CCSER1: variants seen among roughly 807,000 people sequenced by gnomAD.
CCSER1 encodes the protein coiled-coil serine rich protein 1.
A neutral mutation model predicts 82.0 loss-of-function variants in CCSER1; 41 were observed. The ratio of observed to expected loss-of-function variants is 0.50; its 90% CI spans 0.39 to 0.65. The LOEUF (loss-of-function observed/expected upper bound fraction) is 0.65. Ranked by LOEUF, CCSER1 falls within the 30% of genes least tolerant of loss-of-function variation. The pLI, the probability that CCSER1 is intolerant of heterozygous loss-of-function variation, is 0.00. For synonymous variants in CCSER1, 414 were observed against 383.9 expected (o/e 1.08, Z -0.92); for missense variants, 1,119 against 1,064.2 (o/e 1.05, Z -0.72).
At chr4:90,576,556 T>G (rs1780796993) in intron 5 of CCSER1, among the ~76,000 whole-genome samples, 1 of 152,290 alleles carries the variant, frequency 6.6e-6, no homozygotes, top group South Asian at 2.1e-4. Flanking sequence ...TAACAACCAC[T>G]GATGCTTTTT....
At chr4:90,609,111 G>T (rs1785123777) in intron 5 of CCSER1, among the ~76,000 whole-genome samples, 1 of 151,838 alleles carries the variant, frequency 6.6e-6, no homozygotes, top group South Asian at 2.1e-4. Flanking sequence ...TACTGCAATT[G>T]ACCATAATAG....
intron 10 of CCSER1, among the ~76,000 whole-genome samples, chr4:91,358,529 G>A (rs1272655771): frequency 6.6e-6 from 1 of 151,006 alleles, no homozygotes; most frequent in African/African-American, 2.4e-5. Context: ...CAAAATCCAA[G>A]TATCAAAAAA....
chr4:90,517,927 C>T (rs886814219), intron 5 of CCSER1, among the ~76,000 whole-genome samples: 1 of 151,722 alleles, frequency 6.6e-6, no homozygotes, highest in Admixed American at 6.6e-5. Flanking sequence ...TTCATGACAC[C>T]AGGTTGTCTG....
At chr4:90,313,193 C>A (rs1304148547) in intron 3 of CCSER1, 146 bp downstream of exon 3, 6 of 680,444 alleles carry the variant, frequency 8.8e-6, no homozygotes, top group African/African-American at 7.2e-5. Flanking sequence ...CATTACAAGT[C>A]AGAGAAACAA....
At chr4:91,324,440 G>C (rs1746409714) in intron 10 of CCSER1, among the ~76,000 whole-genome samples, 1 of 151,860 alleles carries the variant, frequency 6.6e-6, no homozygotes, top group East Asian at 1.9e-4. Flanking sequence ...GCAAAATGTT[G>C]GTGACAAGTT....
At chr4:90,957,449 C>T (rs1733581029) in intron 9 of CCSER1, among the ~76,000 whole-genome samples, 1 of 140,798 alleles carries the variant, frequency 7.1e-6, no homozygotes, top group Non-Finnish European at 1.5e-5. Flanking sequence ...ACAGCAATTT[C>T]ATGGTATATA....
intron 10 of CCSER1, among the ~76,000 whole-genome samples, chr4:91,419,934 A>G (rs1753597828): frequency 6.6e-6 from 1 of 152,114 alleles, no homozygotes; most frequent in Admixed American, 6.5e-5. Flanking sequence ...AAGAGCACCA[A>G]GAATACACGT....
At chr4:90,429,803 T>C (rs1186452820) in intron 4 of CCSER1, among the ~76,000 whole-genome samples, 1 of 151,848 alleles carries the variant, frequency 6.6e-6, no homozygotes, top group Non-Finnish European at 1.5e-5. Context: ...TTTTCCTTAG[T>C]CTGGTAAATG....
At chr4:91,392,484 T>G (rs1268522342) in intron 10 of CCSER1, among the ~76,000 whole-genome samples, 1 of 152,136 alleles carries the variant, frequency 6.6e-6, no homozygotes, top group Non-Finnish European at 1.5e-5. Flanking sequence ...TATTAAATCT[T>G]AGAATTTCAT....
chr4:90,403,772 G>A (rs1226111327), intron 4 of CCSER1, among the ~76,000 whole-genome samples: 1 of 152,088 alleles, frequency 6.6e-6, no homozygotes, highest in Admixed American at 6.5e-5. Flanking sequence ...GTAGTTTATA[G>A]TAGGGCTTAC....
At chr4:91,518,095 G>A (rs995965560) in intron 10 of CCSER1, among the ~76,000 whole-genome samples, 2 of 152,172 alleles carry the variant, frequency 1.3e-5, no homozygotes, top group African/African-American at 4.8e-5. Flanking sequence ...AGTGCTGGCT[G>A]CAGATCTTGG....
At chr4:91,164,262 C>G (rs1056907621) in intron 10 of CCSER1, among the ~76,000 whole-genome samples, 2 of 152,182 alleles carry the variant, frequency 1.3e-5, no homozygotes, top group Admixed American at 6.5e-5. Context: ...TTGACCCCCA[C>G]TTTTTTCTGG....
At chr4:91,320,968 A>C (rs1746155193) in intron 10 of CCSER1, among the ~76,000 whole-genome samples, 1 of 152,096 alleles carries the variant, frequency 6.6e-6, no homozygotes, top group Non-Finnish European at 1.5e-5. Flanking sequence ...AAGAAAACCA[A>C]AAATTAATTC....
At chr4:91,307,431 A>G (rs1310161964) in intron 10 of CCSER1, among the ~76,000 whole-genome samples, 4 of 152,028 alleles carry the variant, frequency 2.6e-5, no homozygotes, top group Non-Finnish European at 2.9e-5. Context: ...CAATATCATT[A>G]TACTATTAAA....
chr4:90,327,375 C>T lies in CCSER1; in HGVS notation c.1509+14328C>T, dbSNP rs78652257. ...TTTTAACTGCTCATCTACTTTAGAACGGTACTCCATCAGTATGTTTCTTCT... is the reference window on the plus strand; with the variant it reads ...TTTTAACTGCTCATCTACTTTAGAATGGTACTCCATCAGTATGTTTCTTCT... On this transcript the variant is annotated intron_variant, in intron 3 of 10. Transcript: ENST00000509176. 2.3e-4 allele frequency among the ~76,000 whole-genome samples: 35 copies of T among 152,284 alleles called. No individual in the cohort carries two copies. In the Middle Eastern group the frequency reaches 0.014, roughly 59 times the overall value.
chr4:90,923,582 T>G, intron 9 of CCSER1, 135 bp downstream of exon 9: 1 of 595,108 alleles, frequency 1.7e-6, no homozygotes, highest in South Asian at 2.2e-5. Flanking sequence ...CTTTTGCTCT[T>G]AAACAATCCC....
At chr4:90,876,857 G>T (rs564401438) in intron 8 of CCSER1, among the ~76,000 whole-genome samples, 1 of 152,074 alleles carries the variant, frequency 6.6e-6, no homozygotes, top group South Asian at 2.1e-4. Flanking sequence ...TCTATAAAAC[G>T]TAATTATTAT....
chr4:90,515,669 G>C (rs1326841952), intron 5 of CCSER1, among the ~76,000 whole-genome samples: 5 of 152,096 alleles, frequency 3.3e-5, no homozygotes, highest in Admixed American at 3.3e-4. Flanking sequence ...ATGTTAACTT[G>C]TTCAAGTCAC....
intron 10 of CCSER1, among the ~76,000 whole-genome samples, chr4:91,431,355 T>C (rs1424370558): frequency 6.6e-6 from 1 of 152,246 alleles, no homozygotes; most frequent in Admixed American, 6.5e-5. Flanking sequence ...TCCTTCACTA[T>C]TTTTTCCCAG....
Sources: allele counts gnomAD v4.1 joint callset (sites outside exome capture counted in the v4.1 genomes callset), GRCh38; gene constraint gnomAD v4.1.1; transcripts MANE v1.5; gene names NCBI Gene and HGNC (gene_info 2026-07-23, HGNC 2026-07-21).